DOCK4: variants seen among roughly 807,000 people sequenced by gnomAD.
The protein encoded by DOCK4 is dedicator of cytokinesis protein 4.
In DOCK4, 97 loss-of-function variants were observed where a neutral mutation model predicts 268.1. The observed-to-expected ratio is 0.36, with a 90% confidence interval of 0.31 to 0.43. The LOEUF (loss-of-function observed/expected upper bound fraction) is 0.43. Among genes scored for constraint, DOCK4 ranks in the 20% least tolerant of loss-of-function variants. The probability of loss-of-function intolerance (pLI) is 1.00; values close to 1 mark genes in which losing one functional copy is unlikely to be tolerated. For missense variants in DOCK4, 2,145 were observed against 2,455.7 expected (o/e 0.87, Z 2.67); for synonymous variants, 954 against 887.2 (o/e 1.08, Z -1.34).
intron 42 of DOCK4, 27 bp from the exon 43 acceptor site, chr7:111,747,470 T>C: frequency 3.9e-6 from 6 of 1,546,580 alleles, no homozygotes; most frequent in Non-Finnish European, 5.2e-6. Flanking sequence ...CATAAATATA[T>C]ATTGAATTTG....
chr7:111,898,111 A>T (rs1808917200), intron 15 of DOCK4, among the ~76,000 whole-genome samples: 1 of 152,156 alleles, frequency 6.6e-6, no homozygotes. Context: ...TCTTCACTCC[A>T]AATCCTCTCG....
chr7:112,075,400 C>A (rs1426504318), intron 1 of DOCK4, among the ~76,000 whole-genome samples: 21 of 152,272 alleles, frequency 1.4e-4, no homozygotes, highest in South Asian at 6.2e-4. Context: ...TGGTGCCACA[C>A]TGATGGTAAT....
chr7:112,157,463 T>C (rs1816726155), intron 1 of DOCK4, among the ~76,000 whole-genome samples: 1 of 152,184 alleles, frequency 6.6e-6, no homozygotes, highest in Non-Finnish European at 1.5e-5. Context: ...TACATACCTG[T>C]GTAATCCATT....
In DOCK4 at chr7:111,815,611, T is replaced by TTTATTTATTTATTTCC. The variant is rs1357180943; in HGVS notation, c.2931-3663_2931-3662insGGAAATAAATAAATAA. On this transcript the variant is annotated intron_variant, in intron 27 of 52. Transcript: ENST00000428084. ...ACTGATTTATTTATTCATTTATTTATTTCCTTCCTTCCTTCCCCTCCCCCA... is the reference window on the plus strand; with the variant it reads ...ACTGATTTATTTATTCATTTATTTATTTATTTATTTATTTCCTTCCTTCCTTCCTTCCCCTCCCCCA... 4.0e-3 allele frequency among the ~76,000 whole-genome samples: 605 copies of TTTATTTATTTATTTCC among 151,180 alleles called. 4 individuals carry two copies. The highest frequency in any genetic ancestry group is 0.014 in the African/African-American group (565 of 40,708).
intron 1 of DOCK4, among the ~76,000 whole-genome samples, chr7:112,026,821 T>G (rs994473215): frequency 6.6e-6 from 1 of 152,198 alleles, no homozygotes; most frequent in African/African-American, 2.4e-5. Flanking sequence ...ACTCCTGCTC[T>G]CCAACTTCCA....
rs1794769765 is a variant in DOCK4, at chr7:111,728,100, TTTAGA to T, written c.*169_*173del. The T allele has an allele frequency of 4.2e-6, 2 of 477,056 alleles. No homozygotes were observed. The highest frequency in any genetic ancestry group is 6.7e-6 in the Non-Finnish European group (2 of 296,628). 29.6% of individuals were successfully genotyped at this position (477,056 alleles called of 1,614,324 possible). On this transcript the variant is annotated 3_prime_UTR_variant, in exon 53 of 53. Transcript: ENST00000428084. ...CCATACTTCATTTAACATCTGGCGT[TTTAGA>T]TCAGCAACTTTTAATATTGTGCAAC...
intron 1 of DOCK4, among the ~76,000 whole-genome samples, chr7:112,081,299 C>T (rs1330077798): frequency 6.6e-6 from 1 of 152,134 alleles, no homozygotes; most frequent in African/African-American, 2.4e-5. Flanking sequence ...TCTCAGGGCT[C>T]TAAGACACTA....
Position 112,143,516 on chromosome 7 carries a change from T to C in DOCK4, c.37+62586A>G, listed in dbSNP as rs141845852. ...CTCTCTATCAAATACATGAAATGAC[T>C]TGTCTTTTACCTAGGTTTAAATTGT... On this transcript the variant is annotated intron_variant, in intron 1 of 52. Transcript: ENST00000428084. Among the ~76,000 whole-genome samples, 754 of 152,318 alleles carry C rather than the reference T, an allele frequency of 5.0e-3. 7 individuals carry two copies. The highest frequency in any genetic ancestry group is 0.017 in the African/African-American group (694 of 41,576).
chr7:111,789,497 A>G (rs1254774526), intron 31 of DOCK4, among the ~76,000 whole-genome samples: 3 of 152,236 alleles, frequency 2.0e-5, no homozygotes. Flanking sequence ...TGACTTTGTC[A>G]AAAGACTAAG....
intron 1 of DOCK4, among the ~76,000 whole-genome samples, chr7:112,061,490 C>T (rs878966892): frequency 6.6e-6 from 1 of 152,048 alleles, no homozygotes; most frequent in East Asian, 1.9e-4. Flanking sequence ...CTTCCTTCAC[C>T]GACCTTGGGC....
intron 1 of DOCK4, among the ~76,000 whole-genome samples, chr7:112,082,760 C>G (rs1177503498): frequency 6.6e-6 from 1 of 152,122 alleles, no homozygotes; most frequent in Non-Finnish European, 1.5e-5. Flanking sequence ...TACTAATCAC[C>G]ACAGTACTTG....
chr7:111,867,891 T>C lies in DOCK4; in HGVS notation c.2280+93A>G, dbSNP rs1806102623. Reference sequence around the variant, plus strand: ...AATATAAACTGGAGCAATTGACTTCTGATGGAGAAAACATTTGATTACGCT... The same window carrying C: ...AATATAAACTGGAGCAATTGACTTCCGATGGAGAAAACATTTGATTACGCT... On this transcript the variant is annotated intron_variant, in intron 22 of 52. Transcript: ENST00000428084. 8 of 1,234,368 alleles carry C rather than the reference T, an allele frequency of 6.5e-6. No individual in the cohort carries two copies. In the South Asian group the frequency reaches 1.1e-4, roughly 17 times the overall value. 76.5% of individuals were successfully genotyped at this position (1,234,368 alleles called of 1,614,324 possible). A position where few individuals can be genotyped will look rare whatever the true frequency, so the allele number is the denominator to read the frequency against.
chr7:111,895,231 A>G (rs1185542642), intron 16 of DOCK4, among the ~76,000 whole-genome samples: 1 of 152,218 alleles, frequency 6.6e-6, no homozygotes, highest in African/African-American at 2.4e-5. Context: ...GCAGACAAAA[A>G]AAAGCAATGC....
At chr7:111,741,945 C>T in intron 45 of DOCK4, 68 bp downstream of exon 45, 1 of 1,505,620 alleles carries the variant, frequency 6.6e-7, no homozygotes, top group Non-Finnish European at 8.9e-7. Context: ...TTGGATACAT[C>T]ATCATCCCTT....
chr7:111,983,844 ACG>A lies in DOCK4; in HGVS notation c.549+460_549+461del, dbSNP rs57929541. Among the ~76,000 whole-genome samples, 800 of 138,910 alleles carry A rather than the reference ACG, an allele frequency of 5.8e-3. 7 individuals are homozygous for A. The highest frequency in any genetic ancestry group is 0.016 in the South Asian group (71 of 4,346). 91.1% of individuals were successfully genotyped at this position (138,910 alleles called of 152,430 possible). ...AGTGCTATTATGTATGTACACACAC[ACG>A]CGCGCGCGCGCGCGCGCACACACAC... is the stretch of plus-strand genomic sequence containing the variant. On this transcript the variant is annotated intron_variant, in intron 7 of 52. Transcript: ENST00000428084.
chr7:111,998,038 C>A (rs1279793805), intron 4 of DOCK4, among the ~76,000 whole-genome samples: 1 of 152,080 alleles, frequency 6.6e-6, no homozygotes, highest in African/African-American at 2.4e-5. Flanking sequence ...TGTTATTATG[C>A]CCATTTAGAG....
At chr7:111,964,170 A>C (rs1290231033) in intron 8 of DOCK4, among the ~76,000 whole-genome samples, 8 of 144,038 alleles carry the variant, frequency 5.6e-5, no homozygotes, top group East Asian at 4.2e-4. Flanking sequence ...TCCAAAGGAA[A>C]GCAGTTCCTC....
At chr7:111,734,112 A>AT (rs201143188) in intron 51 of DOCK4, among the ~76,000 whole-genome samples, 74 of 150,468 alleles carry the variant, frequency 4.9e-4, no homozygotes, top group Admixed American at 2.3e-3. Flanking sequence ...TAATTTTTGC[A>AT]TTTTTTTTTG....
chr7:112,151,961 T>TAAA (rs57613263), intron 1 of DOCK4, among the ~76,000 whole-genome samples: 1 of 131,190 alleles, frequency 7.6e-6, no homozygotes, highest in Admixed American at 7.8e-5. Flanking sequence ...AAACTGTTAT[T>TAAA]AAAAAAAAAA....
Sources: allele counts gnomAD v4.1 joint callset (sites outside exome capture counted in the v4.1 genomes callset), GRCh38; gene constraint gnomAD v4.1.1; transcripts MANE v1.5; gene names NCBI Gene and HGNC (gene_info 2026-07-23, HGNC 2026-07-21).